TNRC6C: variants seen among roughly 807,000 people sequenced by gnomAD.
TNRC6C encodes trinucleotide repeat-containing gene 6C protein.
In TNRC6C, 20 loss-of-function variants were observed where a neutral mutation model predicts 153.7. The observed-to-expected ratio is 0.13, with a 90% CI of 0.09 to 0.19. The LOEUF is 0.19. Among genes scored for constraint, TNRC6C ranks in the 10% least tolerant of loss-of-function variants. TNRC6C has a pLI of 1.00. For synonymous variants in TNRC6C, 811 were observed against 841.4 expected (o/e 0.96, Z 0.63); for missense variants, 1,987 against 2,172.0 (o/e 0.91, Z 1.69).
At chr17:78,050,191 C>A in exon 3 of TNRC6C, 1 of 1,546,940 alleles carries the variant, frequency 6.5e-7, no homozygotes. Context: ...TACCGTACAG[C>A]CTGGTGGTGA....
At chr17:77,959,958 C>T (rs555160594) in intron 1 of TNRC6C, among the ~76,000 whole-genome samples, 15 of 151,882 alleles carry the variant, frequency 9.9e-5, no homozygotes, top group Non-Finnish European at 2.1e-4. Flanking sequence ...TGTGGGGGTT[C>T]CCTGCCTGTT....
chr17:78,088,629 TCTC>T, intron 13 of TNRC6C, among the ~76,000 whole-genome samples: 1 of 151,554 alleles, frequency 6.6e-6, no homozygotes, highest in South Asian at 2.1e-4. Flanking sequence ...TTTTTTTCTC[TCTC>T]TTTTTTTTTT....
rs1229331703 is a variant in TNRC6C, at chr17:77,985,601, C to CAAAAAAAAAAAAAAAA, written c.-37-18554_-37-18553insAAAAAAAAAAAAAAAA. ...TGGGCAACAGAGCGAGACTCCGTCT[C>CAAAAAAAAAAAAAAAA]AAAAAAAAAAAAAAACCAGCAACTG... On this transcript the variant is annotated intron_variant, in intron 1 of 22. Coordinates refer to the TNRC6C transcript ENST00000636222. Among the ~76,000 whole-genome samples, 88 of 96,232 alleles carry CAAAAAAAAAAAAAAAA rather than the reference C, an allele frequency of 9.1e-4. 1 individual carries two copies. The highest frequency in any genetic ancestry group is 3.4e-3 in the African/African-American group (82 of 23,788). 63.1% of individuals were successfully genotyped at this position (96,232 alleles called of 152,430 possible). A position where few individuals can be genotyped will look rare whatever the true frequency, so the allele number is the denominator to read the frequency against.
chr17:78,021,566 A>AT (rs1272931441), intron 1 of TNRC6C, among the ~76,000 whole-genome samples: 4 of 151,712 alleles, frequency 2.6e-5, no homozygotes, highest in African/African-American at 9.7e-5. Flanking sequence ...TAGGTTATTT[A>AT]TTTTTTTATT....
chr17:77,995,261 T>C (rs143829753), intron 1 of TNRC6C, among the ~76,000 whole-genome samples: 3 of 152,276 alleles, frequency 2.0e-5, no homozygotes, highest in African/African-American at 7.2e-5. Context: ...AAGCAGTTCG[T>C]GGGAAGGCAT....
In TNRC6C at chr17:78,067,946, C is replaced by T. The variant is rs568668359; in HGVS notation, c.2778+23C>T. 41 of 1,580,944 alleles carry T rather than the reference C, an allele frequency of 2.6e-5. 1 individual carries two copies. In the South Asian group the frequency reaches 3.7e-4, roughly 14 times the overall value. ...AAGGTAAGTACAACACTCTTAACGA[C>T]GGTACACCCTGAAAACCAAAGGTAC... On this transcript the variant is annotated intron_variant, in intron 5 of 19. Transcript: ENST00000301624.
intron 1 of TNRC6C, among the ~76,000 whole-genome samples, chr17:77,982,560 G>A (rs149640010): frequency 1.3e-5 from 2 of 152,182 alleles, no homozygotes. Flanking sequence ...GGCCAGGCGC[G>A]GTGGCTCATG....
intron 2 of TNRC6C, among the ~76,000 whole-genome samples, chr17:78,037,409 T>C (rs1173900406): frequency 6.6e-6 from 1 of 152,210 alleles, no homozygotes; most frequent in Non-Finnish European, 1.5e-5. Flanking sequence ...AATAAGTAAG[T>C]CAGCCACTTC....
At chr17:78,037,196 A>G (rs1308174251) in intron 2 of TNRC6C, among the ~76,000 whole-genome samples, 4 of 152,166 alleles carry the variant, frequency 2.6e-5, no homozygotes, top group Non-Finnish European at 5.9e-5. Flanking sequence ...TTTTCTTCCT[A>G]TATGAGAATG....
chr17:78,040,661 ATTC>A (rs879688106), intron 2 of TNRC6C, among the ~76,000 whole-genome samples: 14 of 152,242 alleles, frequency 9.2e-5, no homozygotes, highest in Non-Finnish European at 1.8e-4. Flanking sequence ...AAATGCCGTT[ATTC>A]TTTTGGCTGA....
intron 2 of TNRC6C, among the ~76,000 whole-genome samples, chr17:78,038,509 T>A (rs576912713): frequency 1.1e-4 from 16 of 143,844 alleles, no homozygotes; most frequent in African/African-American, 4.1e-4. Flanking sequence ...CCATCTCTAC[T>A]AAAAAAAAAA....
At chr17:77,966,531 T>C (rs1284526791) in intron 1 of TNRC6C, among the ~76,000 whole-genome samples, 1 of 152,238 alleles carries the variant, frequency 6.6e-6, no homozygotes, top group Admixed American at 6.5e-5. Context: ...TCCTAGAATC[T>C]GCCACAGAGG....
chr17:78,075,287 A>G lies in TNRC6C; in HGVS notation c.3060+9A>G. ...CCACCTTTCTTGACAAGGTATGAAT[A>G]TAGGTGGTTTGTTGTTTTTGCTTTT... is the stretch of plus-strand genomic sequence containing the variant. On this transcript the variant is annotated intron_variant, in intron 8 of 19. Transcript: ENST00000301624. The surrounding 1 kb of genome is among the most constrained non-coding windows in gnomAD (Gnocchi z 4.2). The G allele has an allele frequency of 6.4e-7, 1 of 1,574,540 alleles. No homozygotes were observed. The highest frequency in any genetic ancestry group is 8.6e-7 in the Non-Finnish European group (1 of 1,158,758).
exon 16 of TNRC6C, chr17:78,093,750 C>T: frequency 6.2e-7 from 1 of 1,613,932 alleles, no homozygotes; most frequent in Non-Finnish European, 8.5e-7. Flanking sequence ...ACCGCTACCT[C>T]CTCAAGAGTG....
At chr17:78,010,644 A>G (rs2071610057) in intron 1 of TNRC6C, among the ~76,000 whole-genome samples, 3 of 152,236 alleles carry the variant, frequency 2.0e-5, no homozygotes, top group Admixed American at 1.3e-4. Context: ...GGAAATTCCT[A>G]AGAAATTGAT....
chr17:78,023,184 C>T (rs778282797), intron 1 of TNRC6C, among the ~76,000 whole-genome samples: 1 of 152,226 alleles, frequency 6.6e-6, no homozygotes, highest in South Asian at 2.1e-4. Context: ...GTAGGTTATA[C>T]GCAAATAATA....
chr17:78,102,997 A>G (rs1323436628), intron 18 of TNRC6C, among the ~76,000 whole-genome samples: 2 of 152,206 alleles, frequency 1.3e-5, no homozygotes, highest in African/African-American at 4.8e-5. Context: ...TTTTTAAAAG[A>G]GTCGTTTGGC....
upstream of TNRC6C, among the ~76,000 whole-genome samples, chr17:77,999,821 G>C (rs1349154116): frequency 1.3e-5 from 2 of 152,180 alleles, no homozygotes; most frequent in Admixed American, 6.5e-5. Flanking sequence ...ATGACAGCTT[G>C]TTTCTTCAAA....
At chr17:77,960,576 T>C (rs1483547620) in intron 1 of TNRC6C, among the ~76,000 whole-genome samples, 1 of 152,182 alleles carries the variant, frequency 6.6e-6, no homozygotes, top group Non-Finnish European at 1.5e-5. Flanking sequence ...GTTTGAAATG[T>C]GTAGGGGGTG....
Sources: gnomAD v4.1 joint callset for allele counts (sites outside exome capture counted in the v4.1 genomes callset) on GRCh38, gnomAD v4.1.1 for gene constraint, Gnocchi (gnomAD v3.1) non-coding constraint, MANE v1.5 for transcripts, NCBI Gene and HGNC (gene_info 2026-07-23, HGNC 2026-07-21) for gene names.